The following ZNF132 variants were observed in gnomAD, a reference collection of about 807,000 sequenced individuals.
The protein encoded by ZNF132 is zinc finger protein 132 (clone pHZ-12).
Under a neutral mutation model 9.3 loss-of-function variants are expected in ZNF132, and 6 were observed. The ratio of observed to expected loss-of-function variants is 0.65; its 90% CI spans 0.35 to 1.28. ZNF132 has a LOEUF of 1.28. ZNF132 is among the 50% of genes most tolerant of loss of function. ZNF132 has a pLI of 0.03. For synonymous variants in ZNF132, 296 were observed against 292.0 expected (o/e 1.01, Z -0.14); for missense variants, 877 against 843.2 (o/e 1.04, Z -0.50).
chr19:58,439,328 A>C (rs2052789412), intron 1 of ZNF132, among the ~76,000 whole-genome samples: 1 of 152,086 alleles, frequency 6.6e-6, no homozygotes, highest in Admixed American at 6.6e-5. Flanking sequence ...CAGAGCACCT[A>C]CTTCCTCTAC....
At position 58,439,898 on chromosome 19, in the gene ZNF132, C is replaced by A; in HGVS notation, c.-77G>T. On this transcript the variant is annotated 5_prime_UTR_variant, in exon 1 of 3. It adds an upstream start codon to the 5' untranslated region. Coordinates refer to ENST00000254166, the MANE Select transcript of ZNF132 (RefSeq NM_003433.4). Reference sequence around the variant, plus strand: ...GCTGGGTGACGGTCGCACTCAGGACCTGTCTTCCCAAATGCAAAATGCGCG... The same window carrying A: ...GCTGGGTGACGGTCGCACTCAGGACATGTCTTCCCAAATGCAAAATGCGCG... The A allele has an allele frequency of 6.8e-7, 1 of 1,461,512 alleles. No homozygotes were observed. Among genetic ancestry groups the A allele is most frequent in the South Asian group, 1.3e-5 (1 of 78,274 alleles). The allele number at this position is 1,461,512 out of a possible 1,614,324, so 90.5% of individuals were successfully genotyped here. A position where few individuals can be genotyped will look rare whatever the true frequency, so the allele number is the denominator to read the frequency against.
intron 2 of ZNF132, among the ~76,000 whole-genome samples, chr19:58,436,694 GA>G (rs1195438847): frequency 4.9e-5 from 7 of 142,116 alleles, no homozygotes; most frequent in African/African-American, 2.6e-5. Context: ...AAAAAAAAAG[GA>G]AAAAAAAATC....
In ZNF132 at chr19:58,433,709, A is replaced by T; in HGVS notation, c.1735T>A (p.Phe579Ile). The change falls in exon 3 of 3, where the codon TTC (phenylalanine) becomes ATC (isoleucine). Residue 579 changes from phenylalanine (F) to isoleucine (I), a missense_variant. Coordinates refer to ENST00000254166, the MANE Select transcript of ZNF132 (RefSeq NM_003433.4). Reference sequence around the variant, plus strand: ...ATGAGAATGGAGTTTTGGCTAAAGAATTTCCCACATTCATTGCACTCATAA... The same window carrying T: ...ATGAGAATGGAGTTTTGGCTAAAGATTTTCCCACATTCATTGCACTCATAA... The part of the protein sequence containing the change: ...RPYECNECGK[F>I]FSQNSILIKH... 6 of 1,612,174 alleles carry T rather than the reference A, an allele frequency of 3.7e-6. No individual in the cohort carries two copies. The highest frequency in any genetic ancestry group is 5.1e-6 in the Non-Finnish European group (6 of 1,178,498).
chr19:58,439,207 C>T (rs1261133406), intron 1 of ZNF132, among the ~76,000 whole-genome samples: 1 of 152,194 alleles, frequency 6.6e-6, no homozygotes, highest in Non-Finnish European at 1.5e-5. Context: ...ACCCAAAGCA[C>T]ACATCTGGAC....
Position 58,433,235 on chromosome 19 carries a change from G to C in ZNF132, c.*88C>G. 1 of 1,378,840 alleles carries C rather than the reference G, an allele frequency of 7.3e-7. No homozygotes were observed. The highest frequency in any genetic ancestry group is 9.9e-7 in the Non-Finnish European group (1 of 1,008,046). 85.4% of individuals were successfully genotyped at this position (1,378,840 alleles called of 1,614,324 possible). A position where few individuals can be genotyped will look rare whatever the true frequency, so the allele number is the denominator to read the frequency against. ...CTTTTCCACATTAGCAGTACATGTA[G>C]GTAATTTTTCTGGTATGGGGATTCT... On this transcript the variant is annotated 3_prime_UTR_variant, in exon 3 of 3. Coordinates refer to ENST00000254166, the MANE Select transcript of ZNF132 (RefSeq NM_003433.4).
At position 58,434,854 on chromosome 19, in the gene ZNF132, C is replaced by A. The variant is rs990191606; in HGVS notation, c.590G>T (p.Gly197Val). The change falls in exon 3 of 3, where the codon GGT (glycine) becomes GTT (valine). Residue 197 changes from glycine to valine, a missense_variant. Transcript: ENST00000254166. ...ACAGCTGCCCAGGATGACCTTCCCA[C>A]CTTCCCTGCAAGTGAAGGGGTTCTC... is the stretch of plus-strand genomic sequence containing the variant. Reference protein sequence around the residue: ...LSENPFTCREGGKVILGSCDL... With the variant: ...LSENPFTCREVGKVILGSCDL... The A allele has an allele frequency of 6.2e-7, 1 of 1,614,070 alleles. No homozygotes were observed. Among genetic ancestry groups the A allele is most frequent in the Admixed American group, 1.7e-5 (1 of 59,996 alleles).
intron 1 of ZNF132, among the ~76,000 whole-genome samples, chr19:58,439,154 C>A (rs1011469978): frequency 2.0e-5 from 3 of 152,154 alleles, no homozygotes; most frequent in Admixed American, 2.0e-4. Flanking sequence ...GATTCAGAAG[C>A]CAACCATCTG....
rs2052777637 is a variant in ZNF132, at chr19:58,437,089, G to A, written c.190C>T (p.His64Tyr). The A allele has an allele frequency of 6.2e-7, 1 of 1,614,012 alleles. No individual in the cohort carries two copies. Among genetic ancestry groups the A allele is most frequent in the African/African-American group, 1.3e-5 (1 of 74,902 alleles). ...TCAAGGTTTTCCAGCATCACACTGT[G>A]GTACAGGTGCCTCTGGGCTGCATCA... ...LLDAAQRHLY[H>Y]SVMLENLELV... is the part of the protein sequence containing the mutation. Residue 64 changes from histidine to tyrosine, a missense_variant, in exon 2 of 3, where the codon CAC becomes TAC. His to Tyr is a moderately conservative substitution (Grantham distance 83). Coordinates refer to ENST00000254166, the MANE Select transcript of ZNF132 (RefSeq NM_003433.4).
In ZNF132 at chr19:58,435,054, A is replaced by T. The variant is rs1055003717; in HGVS notation, c.390T>A (p.Ala130=). 13 of 1,614,178 alleles carry T rather than the reference A, an allele frequency of 8.1e-6. No individual in the cohort carries two copies. Among genetic ancestry groups the T allele is most frequent in the Non-Finnish European group, 1.1e-5 (13 of 1,180,030 alleles). ...GPFLKDILHL[A]EHQGTQSEEK... is the part of the protein sequence containing the mutation. ...CCTCAGACTGTGTTCCCTGATGCTC[A>T]GCCAGGTGCAAAATGTCTTTCAAGA... Residue 130 remains alanine, a synonymous_variant, in exon 3 of 3, where the codon GCT becomes GCA. Coordinates refer to ENST00000254166, the MANE Select transcript of ZNF132 (RefSeq NM_003433.4).
At position 58,438,472 on chromosome 19, in the gene ZNF132, A is replaced by ATTT. The variant is rs35691687; in HGVS notation, c.64-1260_64-1258dup. 3.0e-3 allele frequency among the ~76,000 whole-genome samples: 394 copies of ATTT among 129,806 alleles called. 9 individuals are homozygous for ATTT. The highest frequency in any genetic ancestry group is 9.1e-3 in the African/African-American group (303 of 33,186). The allele number at this position is 129,806 out of a possible 152,430, so 85.2% of individuals were successfully genotyped here. A position where few individuals can be genotyped will look rare whatever the true frequency, so the allele number is the denominator to read the frequency against. The stretch of plus-strand genomic sequence containing the variant: ...TCCACATCTGAAAGATCTAAGGTCA[A>ATTT]TTTTTTTTTTTTTTTTTTTGAGACA... On this transcript the variant is annotated intron_variant, in intron 1 of 2. Transcript: ENST00000254166.
chr19:58,433,402 CT>C lies in ZNF132; in HGVS notation c.2041del (p.Arg681GlyfsTer61). ...CCCACACTGGCTACACTCATAAGTC[CT>C]TTCTCTGGTGTGAACTTTCTGGTGC... ...VRHQKVHTRE[R>X]TYECSQCGKL... On this transcript the variant is annotated frameshift_variant, in exon 3 of 3. Coordinates refer to ENST00000254166, the MANE Select transcript of ZNF132 (RefSeq NM_003433.4). LOFTEE classifies it low-confidence loss of function (END_TRUNC). The C allele has an allele frequency of 6.2e-7, 1 of 1,614,180 alleles. No homozygotes were observed. Among genetic ancestry groups the C allele is most frequent in the South Asian group, 1.1e-5 (1 of 91,088 alleles).
In ZNF132 at chr19:58,434,633, T is replaced by A; in HGVS notation, c.811A>T (p.Asn271Tyr). Residue 271 changes from asparagine to tyrosine, a missense_variant, in exon 3 of 3, where the codon AAT (asparagine) becomes TAT (tyrosine). Physicochemically the swap from Asn to Tyr is moderately radical, Grantham distance 143. Coordinates refer to ENST00000254166, the MANE Select transcript of ZNF132 (RefSeq NM_003433.4). ...AGGATTGATTTCTCCTCTAAGAAAT[T>A]TCCACCTGTTGGGCATGTAAATGGT... Reference protein sequence around the residue: ...EIPFTCPTGGNFLEEKSILGN... With the variant: ...EIPFTCPTGGYFLEEKSILGN... 1 of 1,614,216 alleles carries A rather than the reference T, an allele frequency of 6.2e-7. No individual in the cohort carries two copies. The highest frequency in any genetic ancestry group is 1.3e-5 in the African/African-American group (1 of 75,060).
Position 58,434,450 on chromosome 19 carries a change from G to A in ZNF132, c.994C>T (p.Leu332Phe), listed in dbSNP as rs770272393. The change falls in exon 3 of 3, where the codon CTC becomes TTC. Residue 332 changes from leucine to phenylalanine, a missense_variant. Coordinates refer to ENST00000254166, the MANE Select transcript of ZNF132 (RefSeq NM_003433.4). ...ATTCTCTGATGATGAACAAATGTGAGTTTGTGGTTGAAGGTTTTCCCACAT... is the reference window on the plus strand; with the variant it reads ...ATTCTCTGATGATGAACAAATGTGAATTTGTGGTTGAAGGTTTTCCCACAT... The part of the protein sequence containing the change: ...IACGKTFNHK[L>F]TFVHHQRIHS... The A allele has an allele frequency of 5.6e-6, 9 of 1,614,260 alleles. No individual in the cohort carries two copies. The highest frequency in any genetic ancestry group is 2.5e-6 in the Non-Finnish European group (3 of 1,180,050).
At chr19:58,436,952 G>A in intron 2 of ZNF132, 95 bp downstream of exon 2, 3 of 1,549,272 alleles carry the variant, frequency 1.9e-6, no homozygotes, top group Non-Finnish European at 2.7e-6. Flanking sequence ...GAAGGAAGCA[G>A]TACCCATGAT....
chr19:58,434,502 A>C lies in ZNF132; in HGVS notation c.942T>G (p.Thr314=). 7 of 1,614,182 alleles carry C rather than the reference A, an allele frequency of 4.3e-6. No individual in the cohort carries two copies. Among genetic ancestry groups the C allele is most frequent in the East Asian group, 2.2e-5 (1 of 44,886 alleles). The change falls in exon 3 of 3, where the codon ACT becomes ACG. Residue 314 remains threonine (T), a synonymous_variant. Transcript: ENST00000254166. Reference sequence around the variant, plus strand: ...CAATGCACTCATAATATTTTACTTCAGTGTGAAATTTCTGGTGCTTCCTCA... The same window carrying C: ...CAATGCACTCATAATATTTTACTTCCGTGTGAAATTTCTGGTGCTTCCTCA... ...SKLRKHQKFH[T]EVKYYECIAC... is the part of the protein sequence containing the mutation.
intron 2 of ZNF132, chr19:58,435,479 A>G (rs1385878763): frequency 2.7e-5 from 10 of 366,756 alleles, no homozygotes; most frequent in Non-Finnish European, 4.5e-5. Flanking sequence ...AAAAGAAGAT[A>G]TATACACAAA....
In ZNF132 at chr19:58,436,667, CAAAAAAAAAAA is replaced by C. The variant is rs56078209; in HGVS notation, c.232+369_232+379del. ...TGGGGGACAGAGCAAGACTCCATCT[CAAAAAAAAAAA>C]AAAAAAAAAAAAAAGGAAAAAAAAA... is the stretch of plus-strand genomic sequence containing the variant. On this transcript the variant is annotated intron_variant, in intron 2 of 2. Transcript: ENST00000254166. Among the ~76,000 whole-genome samples the C allele has an allele frequency of 5.1e-3, 332 of 65,550 alleles. 2 individuals are homozygous for C. The highest frequency in any genetic ancestry group is 9.8e-3 in the Admixed American group (54 of 5,506). 43.0% of individuals were successfully genotyped at this position (65,550 alleles called of 152,430 possible). A position where few individuals can be genotyped will look rare whatever the true frequency, so the allele number is the denominator to read the frequency against.
At position 58,433,593 on chromosome 19, in the gene ZNF132, G is replaced by A. The variant is rs774867118; in HGVS notation, c.1851C>T (p.His617=). 2 of 1,613,952 alleles carry A rather than the reference G, an allele frequency of 1.2e-6. No individual in the cohort carries two copies. The highest frequency in any genetic ancestry group is 1.7e-6 in the Non-Finnish European group (2 of 1,179,962). The part of the protein sequence containing the change: ...FFSRKSSLIC[H]WRVHTGERPY... ...GCCTTTCTCCAGTGTGAACTCTCCA[G>A]TGACAAATAAGGCTGGATTTTCGGC... Residue 617 remains histidine (H), a synonymous_variant, in exon 3 of 3, where the codon CAC becomes CAT. Coordinates refer to ENST00000254166, the MANE Select transcript of ZNF132 (RefSeq NM_003433.4).
chr19:58,434,281 G>C lies in ZNF132; in HGVS notation c.1163C>G (p.Ser388Cys), dbSNP rs2052760058. 4 of 1,614,138 alleles carry C rather than the reference G, an allele frequency of 2.5e-6. No individual in the cohort carries two copies. The highest frequency in any genetic ancestry group is 3.4e-6 in the Non-Finnish European group (4 of 1,180,028). ...LKCGRAFSQS[S>C]NFLRHQKVHT... ...AACTTTCTGATGCCGAAGGAAATTG[G>C]AGCTTTGGCTGAAGGCTCTTCCACA... is the stretch of plus-strand genomic sequence containing the variant. The change falls in exon 3 of 3, where the codon TCC becomes TGC. Residue 388 changes from serine to cysteine, a missense_variant. Transcript: ENST00000254166.
Sources: gnomAD v4.1 joint callset for allele counts (sites outside exome capture counted in the v4.1 genomes callset) on GRCh38, gnomAD v4.1.1 for gene constraint, MANE v1.5 for transcripts, NCBI Gene and HGNC (gene_info 2026-07-23, HGNC 2026-07-21) for gene names.